The following ZMYND11 variants were observed in gnomAD, a reference collection of about 807,000 sequenced individuals.
ZMYND11 encodes the protein zinc finger MYND-type containing 11, also known as zinc finger MYND domain-containing protein 11.
A neutral mutation model predicts 84.9 loss-of-function variants in ZMYND11; 9 were observed. That is an observed-to-expected ratio of 0.11 (90% confidence interval 0.06 to 0.18). The LOEUF (loss-of-function observed/expected upper bound fraction) is 0.18. Ranked by LOEUF, ZMYND11 falls within the 10% of genes least tolerant of loss-of-function variation. The pLI is 1.00. For synonymous variants in ZMYND11, 250 were observed against 244.1 expected (o/e 1.02, Z -0.23); for missense variants, 409 against 761.0 (o/e 0.54, Z 5.44).
chr10:191,660 T>C (rs1356698368), intron 2 of ZMYND11, among the ~76,000 whole-genome samples: 1 of 152,242 alleles, frequency 6.6e-6, no homozygotes, highest in Non-Finnish European at 1.5e-5. Flanking sequence ...TGAAATATTT[T>C]GTTTTATTTC....
intron 10 of ZMYND11, 103 bp downstream of exon 10, chr10:242,242 TG>T (rs1448078841): frequency 1.3e-5 from 18 of 1,409,652 alleles, no homozygotes; most frequent in Admixed American, 2.4e-5. Context: ...TATTTTAAAT[TG>T]GAAAAAAAAA....
intron 10 of ZMYND11, among the ~76,000 whole-genome samples, chr10:245,355 A>G (rs564436889): frequency 6.6e-6 from 1 of 152,304 alleles, no homozygotes; most frequent in East Asian, 1.9e-4. Flanking sequence ...GGAAGTGGAA[A>G]TGGTTATTTA....
Position 221,150 on chromosome 10 carries a change from A to T in ZMYND11, c.277-45A>T, listed in dbSNP as rs759610674. ...TCAATTTTGTTCTTAGTCATTGCAG[A>T]TATTGACAAAATGTCATACAAAACT... On this transcript the variant is annotated intron_variant, in intron 3 of 14. Transcript: ENST00000381604. The T allele has an allele frequency of 2.6e-6, 4 of 1,567,162 alleles. No homozygotes were observed. In the South Asian group the frequency reaches 3.4e-5, roughly 13 times the overall value.
intron 14 of ZMYND11, among the ~76,000 whole-genome samples, chr10:250,560 G>A (rs763925073): frequency 6.6e-6 from 1 of 152,114 alleles, no homozygotes; most frequent in Non-Finnish European, 1.5e-5. Flanking sequence ...GGGAAGAAGA[G>A]GCTATAATTA....
chr10:242,912 C>CACTT, intron 10 of ZMYND11, among the ~76,000 whole-genome samples: 1 of 152,286 alleles, frequency 6.6e-6, no homozygotes, highest in Non-Finnish European at 1.5e-5. Flanking sequence ...GGTAGATACA[C>CACTT]ACTTACCTGA....
chr10:180,866 C>T (rs761817398), intron 2 of ZMYND11, among the ~76,000 whole-genome samples: 146 of 152,134 alleles, frequency 9.6e-4, no homozygotes, highest in Non-Finnish European at 1.7e-3. Context: ...TTAACAATTT[C>T]CTTCTGTATT....
At chr10:236,755 T>A (rs1950051037) in intron 4 of ZMYND11, 83 bp from the exon 5 acceptor site, 1 of 1,145,390 alleles carries the variant, frequency 8.7e-7, no homozygotes, top group East Asian at 2.6e-5. Flanking sequence ...ACTATCTAAG[T>A]GTTTCATATA....
intron 1 of ZMYND11, among the ~76,000 whole-genome samples, chr10:161,773 G>C (rs1842986554): frequency 6.6e-6 from 1 of 152,200 alleles, no homozygotes. Flanking sequence ...ACCGAAGAGA[G>C]TTAGGTCCTT....
At chr10:247,076 T>G in intron 11 of ZMYND11, 103 bp downstream of exon 11, 2 of 1,218,338 alleles carry the variant, frequency 1.6e-6, no homozygotes, top group Non-Finnish European at 2.3e-6. Context: ...GACGTTCTCC[T>G]TCCCTTTTTT....
intron 6 of ZMYND11, 147 bp from the exon 7 acceptor site, chr10:239,290 CT>C: frequency 1.6e-6 from 1 of 636,198 alleles, no homozygotes; most frequent in South Asian, 2.3e-5. Flanking sequence ...TTGTTGGCTT[CT>C]TTTACACACA....
At chr10:246,327 T>C (rs1952155504) in intron 10 of ZMYND11, among the ~76,000 whole-genome samples, 1 of 152,206 alleles carries the variant, frequency 6.6e-6, no homozygotes, top group Non-Finnish European at 1.5e-5. Context: ...CATTTTCAAG[T>C]GATTCTTTAG....
chr10:194,304 C>T (rs1941214565), intron 2 of ZMYND11, among the ~76,000 whole-genome samples: 1 of 149,458 alleles, frequency 6.7e-6, no homozygotes, highest in African/African-American at 2.5e-5. Flanking sequence ...AGACTACCCA[C>T]CTCAGCCTCC....
At chr10:154,361 A>C (rs1841173016) in intron 1 of ZMYND11, among the ~76,000 whole-genome samples, 1 of 152,212 alleles carries the variant, frequency 6.6e-6, no homozygotes, top group African/African-American at 2.4e-5. Context: ...CTAGCACTTC[A>C]GCATTACACT....
At chr10:166,669 T>A (rs1844091388) in intron 1 of ZMYND11, among the ~76,000 whole-genome samples, 1 of 152,116 alleles carries the variant, frequency 6.6e-6, no homozygotes, top group South Asian at 2.1e-4. Context: ...CAGCTGCTTA[T>A]GAAAAAGAGT....
At chr10:232,029 A>G (rs1949093983) in intron 4 of ZMYND11, among the ~76,000 whole-genome samples, 1 of 152,204 alleles carries the variant, frequency 6.6e-6, no homozygotes, top group Non-Finnish European at 1.5e-5. Context: ...AGGCCTGCAA[A>G]TAGAGAATAG....
rs188530349 is a variant in ZMYND11, at chr10:145,089, A to G, written c.-20+9530A>G. On this transcript the variant is annotated intron_variant, in intron 1 of 14. Transcript: ENST00000381604. ...CTCTAGCTTCATTCAGGTTTCTGCA[A>G]AAGACGTTATTTTATTTATTTTCTT... Among the ~76,000 whole-genome samples, 172 of 151,322 alleles carry G rather than the reference A, an allele frequency of 1.1e-3. No homozygotes were observed. In the Middle Eastern group the frequency reaches 0.014, roughly 12 times the overall value.
intron 2 of ZMYND11, among the ~76,000 whole-genome samples, chr10:187,354 G>A (rs1423805818): frequency 3.3e-5 from 5 of 152,240 alleles, no homozygotes; most frequent in Admixed American, 6.5e-5. Context: ...AAAAACCATG[G>A]CTGGGCGCGG....
upstream of ZMYND11, among the ~76,000 whole-genome samples, chr10:132,069 C>T (rs1240360397): frequency 6.6e-6 from 1 of 151,932 alleles, no homozygotes; most frequent in African/African-American, 2.4e-5. Flanking sequence ...TAAGGAGAAA[C>T]CACAACCATA....
intron 1 of ZMYND11, among the ~76,000 whole-genome samples, chr10:161,949 C>T (rs74734087): frequency 0.018 from 2,713 of 152,288 alleles, 47 homozygotes; most frequent in East Asian, 0.044. Context: ...CCTTTACATT[C>T]GCAGCTGGGA....
Sources: allele counts gnomAD v4.1 joint callset (sites outside exome capture counted in the v4.1 genomes callset), GRCh38; gene constraint gnomAD v4.1.1; transcripts MANE v1.5; gene names NCBI Gene and HGNC (gene_info 2026-07-23, HGNC 2026-07-21).